The following RBP2 variants were observed in gnomAD, a reference collection of about 807,000 sequenced individuals.
The protein encoded by RBP2 is retinol-binding protein 2.
In RBP2, 17 loss-of-function variants were observed where a neutral mutation model predicts 17.0. That is an observed-to-expected ratio of 1.00 (90% confidence interval 0.68 to 1.50). The LOEUF (loss-of-function observed/expected upper bound fraction) is 1.50. Ranked by LOEUF, RBP2 falls within the 40% of genes most tolerant of loss-of-function variation. The pLI, the probability that RBP2 is intolerant of heterozygous loss-of-function variation, is 0.00. For missense variants in RBP2, 158 were observed against 168.2 expected (o/e 0.94, Z 0.33); for synonymous variants, 48 against 57.1 (o/e 0.84, Z 0.72).
At chr3:139,465,878 G>A (rs1213280239) in intron 1 of RBP2, among the ~76,000 whole-genome samples, 1 of 152,146 alleles carries the variant, frequency 6.6e-6, no homozygotes, top group African/African-American at 2.4e-5. Context: ...AATTGTACGT[G>A]AGCACGTCCA....
At chr3:139,459,629 A>C (rs1430933083) in intron 2 of RBP2, among the ~76,000 whole-genome samples, 1 of 151,554 alleles carries the variant, frequency 6.6e-6, no homozygotes. Flanking sequence ...GTCTCAAAAA[A>C]AAAAAAGAAA....
At chr3:139,459,288 G>A (rs1044916761) in intron 2 of RBP2, among the ~76,000 whole-genome samples, 2 of 151,918 alleles carry the variant, frequency 1.3e-5, no homozygotes, top group African/African-American at 2.4e-5. Flanking sequence ...AGGCATGGTG[G>A]CTCACGCCTG....
chr3:139,469,224 G>A (rs188075931), intron 1 of RBP2, among the ~76,000 whole-genome samples: 2 of 152,258 alleles, frequency 1.3e-5, no homozygotes, highest in East Asian at 3.9e-4. Context: ...GAAGCAGAGT[G>A]TAAGAACAAT....
chr3:139,454,743 C>G lies in RBP2; in HGVS notation c.340G>C (p.Asp114His). Residue 114 changes from aspartate (D) to histidine (H), a missense_variant, in exon 3 of 4, where the codon GAC (aspartate) becomes CAC (histidine). Physicochemically the swap from Asp to His is moderately conservative, Grantham distance 81. Transcript: ENST00000232217. ...CCAGTACTTACCAGGTACAGCTTGT[C>G]CCCCTCAATCCACTGCTTCCAGCCG... ...NRGWKQWIEG[D>H]KLYLELTCGD... is the part of the protein sequence containing the mutation. 1 of 1,614,136 alleles carries G rather than the reference C, an allele frequency of 6.2e-7. No individual in the cohort carries two copies. Among genetic ancestry groups the G allele is most frequent in the Non-Finnish European group, 8.5e-7 (1 of 1,179,990 alleles).
rs753455252 is a variant in RBP2 at position 139,453,126 on chromosome 3, T to G, written c.395A>C (p.Lys132Thr). 4 of 1,614,016 alleles carry G rather than the reference T, an allele frequency of 2.5e-6. No homozygotes were observed. The change falls in exon 4 of 4, where the codon AAA becomes ACA. Residue 132 changes from lysine (K) to threonine (T), a missense_variant. By Grantham distance (78) the Lys-to-Thr change is moderately conservative. Coordinates refer to ENST00000232217, the MANE Select transcript of RBP2 (RefSeq NM_004164.3). ...CGDQVCRQVF[K>T]KK ...CCTCCCACGTCGCCATCATTTCTTTTTGAACACTTGACGGCACACCTGGTC... is the reference window on the plus strand; with the variant it reads ...CCTCCCACGTCGCCATCATTTCTTTGTGAACACTTGACGGCACACCTGGTC...
In RBP2 at chr3:139,453,943, A is replaced by G. The variant is rs1559803231; in HGVS notation, c.355-777T>C. Reference sequence around the variant, plus strand: ...TTAGCTGACATTGCCTTCAAAATAAAGATCTCAGGTGAAGCAAGGCTGGCT... The same window carrying G: ...TTAGCTGACATTGCCTTCAAAATAAGGATCTCAGGTGAAGCAAGGCTGGCT... On this transcript the variant is annotated intron_variant, in intron 3 of 3. Coordinates refer to ENST00000232217, the MANE Select transcript of RBP2 (RefSeq NM_004164.3). 2.0e-5 allele frequency among the ~76,000 whole-genome samples: 3 copies of G among 152,228 alleles called. No individual in the cohort carries two copies. The South Asian group carries it at 6.2e-4, about 32-fold the overall frequency.
At chr3:139,470,990 C>G (rs902277366) in intron 1 of RBP2, among the ~76,000 whole-genome samples, 16 of 152,108 alleles carry the variant, frequency 1.1e-4, no homozygotes, top group African/African-American at 3.9e-4. Context: ...CCCCCTCAAA[C>G]CTTCCCTGAC....
At chr3:139,462,862 C>G (rs1219401553) in intron 1 of RBP2, among the ~76,000 whole-genome samples, 13 of 152,142 alleles carry the variant, frequency 8.5e-5, no homozygotes. Flanking sequence ...GAGACAGGGT[C>G]TCACTCTGTC....
At chr3:139,472,961 G>GT (rs1435047218) in intron 1 of RBP2, among the ~76,000 whole-genome samples, 1 of 152,188 alleles carries the variant, frequency 6.6e-6, no homozygotes, top group East Asian at 1.9e-4. Flanking sequence ...CCTGGGCAGA[G>GT]TTAATGAACT....
intron 1 of RBP2, among the ~76,000 whole-genome samples, chr3:139,475,469 C>T (rs1487287310): frequency 2.6e-5 from 4 of 152,042 alleles, no homozygotes; most frequent in Non-Finnish European, 5.9e-5. Flanking sequence ...ATGATTTCCA[C>T]TCTTGGAGAG....
intron 2 of RBP2, among the ~76,000 whole-genome samples, chr3:139,460,230 A>G (rs372886459): frequency 1.4e-4 from 22 of 152,294 alleles, no homozygotes; most frequent in African/African-American, 3.6e-4. Context: ...CTGGTGTCCA[A>G]TGAATTGGCT....
At chr3:139,455,752 G>A (rs997303399) in intron 2 of RBP2, among the ~76,000 whole-genome samples, 2 of 152,120 alleles carry the variant, frequency 1.3e-5, no homozygotes, top group Admixed American at 6.6e-5. Context: ...AACCAGATGG[G>A]TGGACCTTCT....
chr3:139,453,245 G>T, intron 3 of RBP2, 79 bp from the exon 4 acceptor site: 7 of 1,530,924 alleles, frequency 4.6e-6, no homozygotes, highest in Admixed American at 1.7e-5. Flanking sequence ...TTGGTATCTG[G>T]GGGTGGGAGG....
chr3:139,457,750 G>C (rs916302510), intron 2 of RBP2, among the ~76,000 whole-genome samples: 7 of 152,140 alleles, frequency 4.6e-5, no homozygotes, highest in African/African-American at 1.7e-4. Flanking sequence ...TTGAGGAAAT[G>C]GAAACAAGTG....
intron 2 of RBP2, among the ~76,000 whole-genome samples, chr3:139,457,809 A>G (rs1486720787): frequency 1.3e-5 from 2 of 152,182 alleles, no homozygotes; most frequent in Non-Finnish European, 2.9e-5. Context: ...AGTACATTCC[A>G]AGGGCAGATA....
At chr3:139,469,169 G>T (rs998239949) in intron 1 of RBP2, among the ~76,000 whole-genome samples, 1 of 152,142 alleles carries the variant, frequency 6.6e-6, no homozygotes, top group African/African-American at 2.4e-5. Flanking sequence ...CTTCAAATTT[G>T]GACTCCTTAA....
At chr3:139,462,887 G>A (rs373168493) in intron 1 of RBP2, among the ~76,000 whole-genome samples, 2 of 152,120 alleles carry the variant, frequency 1.3e-5, no homozygotes, top group African/African-American at 4.8e-5. Flanking sequence ...AGGCTGGAGT[G>A]CAGTGACATG....
chr3:139,463,835 C>A (rs577947569), intron 1 of RBP2, among the ~76,000 whole-genome samples: 1 of 151,826 alleles, frequency 6.6e-6, no homozygotes, highest in Non-Finnish European at 1.5e-5. Flanking sequence ...TTAGAAAATC[C>A]ACTGAGAAGG....
At chr3:139,463,873 TA>T (rs1201916878) in intron 1 of RBP2, among the ~76,000 whole-genome samples, 2 of 152,206 alleles carry the variant, frequency 1.3e-5, no homozygotes, top group Non-Finnish European at 2.9e-5. Context: ...TTGATTCTAT[TA>T]AAACCCAAAG....
Sources: gnomAD v4.1 joint callset for allele counts (sites outside exome capture counted in the v4.1 genomes callset) on GRCh38, gnomAD v4.1.1 for gene constraint, MANE v1.5 for transcripts, NCBI Gene and HGNC (gene_info 2026-07-23, HGNC 2026-07-21) for gene names.